NPSR1: variants seen among roughly 807,000 people sequenced by gnomAD.
NPSR1 encodes the protein neuropeptide S receptor.
In NPSR1, 48 loss-of-function variants were observed where a neutral mutation model predicts 46.9. The observed-to-expected ratio is 1.02, with a 90% CI of 0.81 to 1.30. The LOEUF is 1.30. Among genes scored for constraint, NPSR1 ranks in the 50% most tolerant of loss-of-function variants. NPSR1 has a pLI of 0.00. For synonymous variants in NPSR1, 176 were observed against 168.1 expected (o/e 1.05, Z -0.36); for missense variants, 450 against 449.5 (o/e 1.00, Z -0.01).
At chr7:34,765,678 G>A (rs1786393747) in intron 2 of NPSR1, among the ~76,000 whole-genome samples, 1 of 152,164 alleles carries the variant, frequency 6.6e-6, no homozygotes, top group Admixed American at 6.5e-5. Context: ...CAACCTGAAT[G>A]CCAATCAATG....
intron 1 of NPSR1, among the ~76,000 whole-genome samples, 196 bp from the exon 2 acceptor site, chr7:34,684,356 G>A (rs1272629029): frequency 1.3e-5 from 2 of 152,148 alleles, no homozygotes; most frequent in African/African-American, 4.8e-5. Flanking sequence ...ATTTCCAAAA[G>A]ATTTTTAAAA....
intron 6 of NPSR1, among the ~76,000 whole-genome samples, chr7:34,837,634 G>A (rs751266932): frequency 2.0e-5 from 3 of 152,206 alleles, no homozygotes; most frequent in Non-Finnish European, 4.4e-5. Context: ...GTTATTAACT[G>A]TCTCTCACAG....
At position 34,740,785 on chromosome 7, in the gene NPSR1, T is replaced by A. The variant is rs569470626; in HGVS notation, c.281-37677T>A. Among the ~76,000 whole-genome samples the A allele has an allele frequency of 9.2e-5, 14 of 152,274 alleles. No homozygotes were observed. In the East Asian group the frequency reaches 2.7e-3, roughly 29 times the overall value. Reference sequence around the variant, plus strand: ...CTAGGTCTTGCAGGAACAATCTGCTTCCTGCAGAGGGTCTGTGGGTTCTCT... The same window carrying A: ...CTAGGTCTTGCAGGAACAATCTGCTACCTGCAGAGGGTCTGTGGGTTCTCT... On this transcript the variant is annotated intron_variant, in intron 2 of 8. Coordinates refer to ENST00000360581, the MANE Select transcript of NPSR1 (RefSeq NM_207172.2).
intron 2 of NPSR1, among the ~76,000 whole-genome samples, chr7:34,727,919 T>C (rs766066590): frequency 2.0e-5 from 3 of 152,066 alleles, no homozygotes; most frequent in Non-Finnish European, 4.4e-5. Context: ...GAGGAAATGA[T>C]TTTTTAAAAA....
At chr7:34,797,789 G>A (rs1219106584) in intron 3 of NPSR1, among the ~76,000 whole-genome samples, 3 of 152,212 alleles carry the variant, frequency 2.0e-5, no homozygotes, top group South Asian at 2.1e-4. Context: ...AGTTGAGGGG[G>A]AAACTTACAG....
rs572199737 is a variant in NPSR1, at chr7:34,863,982, C to G, written c.1026-14094C>G. Among the ~76,000 whole-genome samples, 10 of 151,892 alleles carry G rather than the reference C, an allele frequency of 6.6e-5. No homozygotes were observed. The South Asian group carries it at 2.1e-3, about 32-fold the overall frequency. ...AAAGACTTGGAACCAACCCAAATGTCCATCAATAGACTGGATAAAGAAAAT... is the reference window on the plus strand; with the variant it reads ...AAAGACTTGGAACCAACCCAAATGTGCATCAATAGACTGGATAAAGAAAAT... On this transcript the variant is annotated intron_variant, in intron 8 of 8. Coordinates refer to the NPSR1 transcript ENST00000359791.
intron 6 of NPSR1, among the ~76,000 whole-genome samples, chr7:34,837,054 A>T (rs1459851153): frequency 4.6e-5 from 7 of 152,180 alleles, no homozygotes; most frequent in Admixed American, 4.6e-4. Flanking sequence ...AGCTAGAGAG[A>T]GAGGGAGATG....
At chr7:34,723,802 C>A (rs755447130) in intron 2 of NPSR1, among the ~76,000 whole-genome samples, 2 of 152,024 alleles carry the variant, frequency 1.3e-5, no homozygotes, top group Non-Finnish European at 2.9e-5. Flanking sequence ...CACTGCACCC[C>A]GCTCAGCACT....
At chr7:34,739,076 T>A (rs1369616870) in intron 2 of NPSR1, among the ~76,000 whole-genome samples, 1 of 152,222 alleles carries the variant, frequency 6.6e-6, no homozygotes, top group Non-Finnish European at 1.5e-5. Context: ...CAATACTTCA[T>A]TTTTTTATGG....
Position 34,805,605 on chromosome 7 carries a change from G to A in NPSR1, c.385-6165G>A, listed in dbSNP as rs1375195138. ...TATAAAACGACTAGAAGATAACATAGGAGAAGATTTAAGGGACCTACTCTT... is the reference window on the plus strand; with the variant it reads ...TATAAAACGACTAGAAGATAACATAAGAGAAGATTTAAGGGACCTACTCTT... On this transcript the variant is annotated intron_variant, in intron 3 of 8. Transcript: ENST00000360581. Among the ~76,000 whole-genome samples, 9 of 151,366 alleles carry A rather than the reference G, an allele frequency of 5.9e-5. No homozygotes were observed. In the East Asian group the frequency reaches 1.7e-3, roughly 29 times the overall value.
At chr7:34,782,539 C>A (rs138525534) in intron 3 of NPSR1, among the ~76,000 whole-genome samples, 18 of 152,260 alleles carry the variant, frequency 1.2e-4, no homozygotes, top group Admixed American at 1.2e-3. Context: ...AAATCTGCAC[C>A]ATCACTGATG....
intron 2 of NPSR1, among the ~76,000 whole-genome samples, chr7:34,725,098 C>A (rs1377183453): frequency 8.0e-6 from 1 of 125,706 alleles, no homozygotes; most frequent in Non-Finnish European, 1.7e-5. Context: ...CACACACAGA[C>A]TCACACACAC....
intron 8 of NPSR1, among the ~76,000 whole-genome samples, chr7:34,866,335 G>A (rs904377077): frequency 7.9e-5 from 12 of 151,872 alleles, no homozygotes; most frequent in Admixed American, 1.3e-4. Flanking sequence ...GGACCCGTGA[G>A]TAAACAGAGG....
At chr7:34,810,531 G>T (rs1349758338) in intron 3 of NPSR1, among the ~76,000 whole-genome samples, 5 of 152,204 alleles carry the variant, frequency 3.3e-5, no homozygotes, top group Non-Finnish European at 7.3e-5. Context: ...AAAAAGGGGA[G>T]CTCTCTGATG....
intron 2 of NPSR1, among the ~76,000 whole-genome samples, chr7:34,733,429 A>AAG (rs1554317053): frequency 1.3e-5 from 2 of 151,826 alleles, no homozygotes; most frequent in African/African-American, 4.8e-5. Context: ...AAAAAAAAAA[A>AAG]AAAAAGAAAA....
chr7:34,830,024 T>C (rs1175003874), intron 5 of NPSR1, among the ~76,000 whole-genome samples: 1 of 152,186 alleles, frequency 6.6e-6, no homozygotes, highest in Non-Finnish European at 1.5e-5. Context: ...AAACAACTTC[T>C]CTCTTGGGGA....
chr7:34,852,665 A>G (rs1467164678), downstream of NPSR1, among the ~76,000 whole-genome samples: 1 of 152,156 alleles, frequency 6.6e-6, no homozygotes, highest in Admixed American at 6.5e-5. Context: ...TGAGAAATGC[A>G]GTTTGAGCTC....
At chr7:34,779,770 C>A in intron 3 of NPSR1, 1 of 287,728 alleles carries the variant, frequency 3.5e-6, no homozygotes, top group Non-Finnish European at 6.7e-6. Flanking sequence ...ATTATATTAG[C>A]AATCAATTGC....
chr7:34,702,995 T>G (rs972242248), intron 2 of NPSR1, among the ~76,000 whole-genome samples: 1 of 152,206 alleles, frequency 6.6e-6, no homozygotes, highest in Non-Finnish European at 1.5e-5. Context: ...CATAACTGGT[T>G]TTTTGAGAGC....
Sources: allele counts gnomAD v4.1 joint callset (sites outside exome capture counted in the v4.1 genomes callset), GRCh38; gene constraint gnomAD v4.1.1; transcripts MANE v1.5; gene names NCBI Gene and HGNC (gene_info 2026-07-23, HGNC 2026-07-21).